The following SYN3 variants were observed in gnomAD, a reference collection of about 807,000 sequenced individuals.
The protein encoded by SYN3 is synapsin-3.
SYN3 carries 35 observed loss-of-function variants against 65.8 expected under a neutral mutation model. The ratio of observed to expected loss-of-function variants is 0.53; its 90% CI spans 0.41 to 0.70. The LOEUF is 0.70. SYN3 is among the 30% of genes least tolerant of loss of function. The probability of loss-of-function intolerance (pLI) is 0.00; values close to 1 mark genes in which losing one functional copy is unlikely to be tolerated. For missense variants in SYN3, 680 were observed against 749.0 expected, an observed-to-expected ratio of 0.91 and a Z score of 1.08; for synonymous variants, 270 against 292.9, an observed-to-expected ratio of 0.92 and a Z score of 0.80.
At position 32,841,357 on chromosome 22, in the gene SYN3, G is replaced by C. The variant is rs578088894; in HGVS notation, c.711+23558C>G. Among the ~76,000 whole-genome samples, 30 of 152,292 alleles carry C rather than the reference G, an allele frequency of 2.0e-4. No homozygotes were observed. In the South Asian group the frequency reaches 6.0e-3, roughly 31 times the overall value. On this transcript the variant is annotated intron_variant, in intron 6 of 13. Transcript: ENST00000358763. ...GCCAAGGGATTGCGAGGAGGGGGAG[G>C]AATGTGCATGGATCAGGATCAGGGA...
intron 4 of SYN3, among the ~76,000 whole-genome samples, chr22:32,892,005 T>TAAA (rs1006545260): frequency 2.0e-5 from 3 of 150,962 alleles, no homozygotes; most frequent in African/African-American, 4.8e-5. Flanking sequence ...ATAATAATAA[T>TAAA]AAAAAGCTGG....
chr22:32,765,278 C>T (rs189870634), intron 6 of SYN3, among the ~76,000 whole-genome samples: 108 of 151,888 alleles, frequency 7.1e-4, no homozygotes, highest in African/African-American at 2.1e-3. Context: ...AAGTACAAGG[C>T]GAGGAAAGAA....
chr22:32,815,324 A>G (rs1343292933), intron 6 of SYN3, among the ~76,000 whole-genome samples: 5 of 152,236 alleles, frequency 3.3e-5, no homozygotes, highest in Non-Finnish European at 7.3e-5. Context: ...AAGCCATCTG[A>G]TCCAGGTCTC....
At chr22:32,732,614 G>A (rs1049590104) in intron 6 of SYN3, among the ~76,000 whole-genome samples, 1 of 152,160 alleles carries the variant, frequency 6.6e-6, no homozygotes, top group Admixed American at 6.5e-5. Flanking sequence ...CCTGGACATC[G>A]TAATTTCATC....
intron 3 of SYN3, among the ~76,000 whole-genome samples, chr22:32,965,532 T>C (rs1338096614): frequency 6.9e-6 from 1 of 144,488 alleles, no homozygotes. Context: ...AGTTTGTAAT[T>C]ATGGTGCGTA....
intron 4 of SYN3, among the ~76,000 whole-genome samples, chr22:32,878,158 C>T (rs1224977388): frequency 1.3e-5 from 2 of 152,162 alleles, no homozygotes; most frequent in African/African-American, 4.8e-5. Context: ...CTGAACCTCT[C>T]ATCATCACCT....
intron 6 of SYN3, among the ~76,000 whole-genome samples, chr22:32,636,914 T>C (rs1176849374): frequency 6.6e-6 from 1 of 152,102 alleles, no homozygotes; most frequent in Non-Finnish European, 1.5e-5. Flanking sequence ...TAACCTCTTT[T>C]TGAAAAAATA....
chr22:32,600,643 T>C (rs2059268204), intron 6 of SYN3, among the ~76,000 whole-genome samples: 1 of 152,140 alleles, frequency 6.6e-6, no homozygotes, highest in South Asian at 2.1e-4. Context: ...TGAGCTCTAA[T>C]AAACAAAGAC....
chr22:32,720,266 T>C (rs1368837404), intron 6 of SYN3, among the ~76,000 whole-genome samples: 2 of 152,226 alleles, frequency 1.3e-5, no homozygotes, highest in Admixed American at 6.5e-5. Flanking sequence ...TCTGGTTTGG[T>C]CACAGATTGC....
Position 32,528,013 on chromosome 22 carries a change from A to G in SYN3, c.1231-8T>C. 6.5e-7 allele frequency: 1 copy of G among 1,535,272 alleles called. No homozygotes were observed. The highest frequency in any genetic ancestry group is 8.8e-7 in the Non-Finnish European group (1 of 1,138,248). ...TGATTTAATCTGTGGAGCCTAGAGC[A>G]GAAGAGAAAAGAAGCCTGTTGGTAT... is the stretch of plus-strand genomic sequence containing the variant. On this transcript the variant is annotated splice_polypyrimidine_tract_variant and splice_region_variant and intron_variant, in intron 11 of 13. Transcript: ENST00000358763.
intron 6 of SYN3, among the ~76,000 whole-genome samples, chr22:32,713,830 CA>C (rs5845019): frequency 0.36 from 38,274 of 105,662 alleles, 6,901 homozygotes; most frequent in East Asian, 0.62. Flanking sequence ...GACCCCGTCT[CA>C]AAAAAAAAAA....
At chr22:32,776,485 A>G (rs1164589985) in intron 6 of SYN3, among the ~76,000 whole-genome samples, 1 of 152,196 alleles carries the variant, frequency 6.6e-6, no homozygotes, top group Admixed American at 6.5e-5. Flanking sequence ...ATCCCATTTT[A>G]CAGATTAAGA....
chr22:32,940,985 G>A (rs1036766509), intron 3 of SYN3, among the ~76,000 whole-genome samples: 2 of 152,172 alleles, frequency 1.3e-5, no homozygotes, highest in African/African-American at 4.8e-5. Flanking sequence ...CTGATTAGAT[G>A]TTTCCCTAGC....
chr22:32,879,119 G>C (rs2049058383), intron 4 of SYN3, among the ~76,000 whole-genome samples: 1 of 152,080 alleles, frequency 6.6e-6, no homozygotes, highest in African/African-American at 2.4e-5. Flanking sequence ...AAACAGTAAA[G>C]TGTTCTGCAA....
chr22:32,815,118 G>A (rs2146022556), intron 6 of SYN3, among the ~76,000 whole-genome samples: 1 of 152,344 alleles, frequency 6.6e-6, no homozygotes, highest in East Asian at 1.9e-4. Context: ...TACAGCACAG[G>A]TCAAGATAAC....
At chr22:32,924,995 G>A (rs1328963896) in intron 4 of SYN3, among the ~76,000 whole-genome samples, 1 of 152,186 alleles carries the variant, frequency 6.6e-6, no homozygotes, top group African/African-American at 2.4e-5. Flanking sequence ...AGGAGGCTGA[G>A]GTGGGTGGAC....
intron 2 of SYN3, among the ~76,000 whole-genome samples, chr22:32,990,331 T>C (rs12168066): frequency 2.0e-5 from 3 of 147,854 alleles, no homozygotes; most frequent in Non-Finnish European, 4.4e-5. Context: ...CATCCATCCA[T>C]CCATCCATCC....
intron 4 of SYN3, among the ~76,000 whole-genome samples, chr22:32,879,171 G>C (rs931304856): frequency 1.3e-5 from 2 of 152,166 alleles, no homozygotes; most frequent in Non-Finnish European, 2.9e-5. Flanking sequence ...GTCTCTTTAA[G>C]ATCTGCCTGA....
intron 7 of SYN3, among the ~76,000 whole-genome samples, chr22:32,576,769 C>T (rs970794679): frequency 2.6e-5 from 4 of 151,948 alleles, no homozygotes; most frequent in South Asian, 2.1e-4. Flanking sequence ...TCTGAACTGC[C>T]GCAGTTTCTT....
Sources: allele counts gnomAD v4.1 joint callset (sites outside exome capture counted in the v4.1 genomes callset), GRCh38; gene constraint gnomAD v4.1.1; transcripts MANE v1.5; gene names NCBI Gene and HGNC (gene_info 2026-07-23, HGNC 2026-07-21).